KCMF1: variants seen among roughly 807,000 people sequenced by gnomAD.
The protein encoded by KCMF1 is potassium channel modulatory factor 1.
A neutral mutation model predicts 41.1 loss-of-function variants in KCMF1; 3 were observed. The ratio of observed to expected loss-of-function variants is 0.07; its 90% CI spans 0.03 to 0.19. The LOEUF (loss-of-function observed/expected upper bound fraction) is 0.19. Ranked by LOEUF, KCMF1 falls within the 10% of genes least tolerant of loss-of-function variation. The pLI, the probability that KCMF1 is intolerant of heterozygous loss-of-function variation, is 1.00. For synonymous variants in KCMF1, 142 were observed against 164.5 expected (o/e 0.86, Z 1.04); for missense variants, 286 against 488.9 (o/e 0.58, Z 3.91).
At chr2:85,015,610 GA>G in intron 1 of KCMF1, among the ~76,000 whole-genome samples, 1 of 152,160 alleles carries the variant, frequency 6.6e-6, no homozygotes, top group Non-Finnish European at 1.5e-5. Flanking sequence ...CCTCTATACT[GA>G]AAACTTTTAG....
intron 1 of KCMF1, among the ~76,000 whole-genome samples, chr2:85,008,727 T>G (rs1674577646): frequency 6.6e-6 from 1 of 151,288 alleles, no homozygotes; most frequent in Admixed American, 6.6e-5. Context: ...AGTCGCTCAC[T>G]GGAAAGACTG....
chr2:85,031,959 CA>C (rs1675284688), intron 2 of KCMF1, among the ~76,000 whole-genome samples: 1 of 152,166 alleles, frequency 6.6e-6, no homozygotes, highest in Non-Finnish European at 1.5e-5. Context: ...AGGCTTGTCT[CA>C]AACTCCTGAG....
intron 1 of KCMF1, among the ~76,000 whole-genome samples, chr2:85,026,416 T>A (rs1301094598): frequency 6.7e-6 from 1 of 148,996 alleles, no homozygotes. Flanking sequence ...GAATTACAGG[T>A]GTGAGCTATG....
intron 1 of KCMF1, among the ~76,000 whole-genome samples, chr2:85,025,271 G>A (rs1436632888): frequency 6.6e-6 from 1 of 152,064 alleles, no homozygotes; most frequent in African/African-American, 2.4e-5. Flanking sequence ...TTACTAATTT[G>A]CTTCATAAAG....
intron 1 of KCMF1, among the ~76,000 whole-genome samples, chr2:85,021,079 C>A (rs1424204072): frequency 6.6e-6 from 1 of 152,162 alleles, no homozygotes; most frequent in African/African-American, 2.4e-5. Context: ...ATGTTAGTTT[C>A]TTGGGGGCAG....
At chr2:85,032,148 C>G (rs1389999082) in intron 2 of KCMF1, among the ~76,000 whole-genome samples, 1 of 151,496 alleles carries the variant, frequency 6.6e-6, no homozygotes, top group African/African-American at 2.4e-5. Flanking sequence ...TTATTCATTC[C>G]AAGAGTGGTT....
chr2:85,041,783 TAAAA>T (rs974925092), intron 3 of KCMF1, among the ~76,000 whole-genome samples: 21 of 141,772 alleles, frequency 1.5e-4, no homozygotes, highest in Admixed American at 5.6e-4. Context: ...TTTTTTTTTT[TAAAA>T]AAAGCAAGTC....
At chr2:84,985,520 C>T (rs919544888) in intron 1 of KCMF1, among the ~76,000 whole-genome samples, 3 of 152,108 alleles carry the variant, frequency 2.0e-5, no homozygotes, top group African/African-American at 4.8e-5. Context: ...GGTGAATCTT[C>T]CTAGTTTGAA....
intron 1 of KCMF1, among the ~76,000 whole-genome samples, chr2:84,973,239 G>A (rs1278094757): frequency 6.6e-6 from 1 of 152,190 alleles, no homozygotes; most frequent in Admixed American, 6.5e-5. Context: ...TTCCAGACGA[G>A]CATTCTAATT....
chr2:85,024,579 AGAGAGT>A (rs775264166), intron 1 of KCMF1, among the ~76,000 whole-genome samples: 3,487 of 141,088 alleles, frequency 0.025, 37 homozygotes, highest in South Asian at 0.053. Flanking sequence ...AGAGAGAGAG[AGAGAGT>A]GTGTGTGTGT....
Position 85,056,685 on chromosome 2 carries a change from T to C in KCMF1, c.*3276T>C, listed in dbSNP as rs1288628410. The C allele has an allele frequency of 6.6e-6, 1 of 152,150 alleles. No individual in the cohort carries two copies. Among genetic ancestry groups the C allele is most frequent in the Non-Finnish European group, 1.5e-5 (1 of 68,032 alleles). 9.4% of individuals were successfully genotyped at this position (152,150 alleles called of 1,614,324 possible). A position where few individuals can be genotyped will look rare whatever the true frequency, so the allele number is the denominator to read the frequency against. ...CAGTGTTCAGTACCAATATTAAGTC[T>C]ACTGTAAGTGGGGTCTGATATGGCT... On this transcript the variant is annotated 3_prime_UTR_variant, in exon 7 of 7. Coordinates refer to ENST00000409785, the MANE Select transcript of KCMF1 (RefSeq NM_020122.5).
At chr2:85,029,174 G>A (rs1675197579) in intron 2 of KCMF1, among the ~76,000 whole-genome samples, 1 of 147,778 alleles carries the variant, frequency 6.8e-6, no homozygotes, top group Non-Finnish European at 1.5e-5. Flanking sequence ...GTTTCACTAT[G>A]TTGGCCAGGC....
At chr2:85,004,548 A>G (rs561687271) in intron 1 of KCMF1, among the ~76,000 whole-genome samples, 37 of 151,844 alleles carry the variant, frequency 2.4e-4, no homozygotes, top group Admixed American at 8.5e-4. Context: ...AGAAAGCAAA[A>G]CTTTGGGTTG....
At chr2:84,971,585 C>A in intron 1 of KCMF1, 118 bp downstream of exon 1, 1 of 433,688 alleles carries the variant, frequency 2.3e-6, no homozygotes, top group Non-Finnish European at 3.3e-6. Flanking sequence ...CCGAGCCGGG[C>A]CCGAGGCGCT....
chr2:85,037,106 C>A (rs2104044253), intron 3 of KCMF1, among the ~76,000 whole-genome samples: 1 of 151,070 alleles, frequency 6.6e-6, no homozygotes, highest in Admixed American at 6.7e-5. Context: ...CTATCATGGT[C>A]TGTTTCTTGT....
intron 1 of KCMF1, among the ~76,000 whole-genome samples, chr2:85,025,323 T>A (rs918466306): frequency 5.3e-5 from 8 of 152,338 alleles, no homozygotes; most frequent in South Asian, 2.1e-4. Context: ...GGCACTTTTT[T>A]AAAATGCTGT....
At chr2:85,009,668 T>G (rs1449556623) in intron 1 of KCMF1, among the ~76,000 whole-genome samples, 1 of 152,164 alleles carries the variant, frequency 6.6e-6, no homozygotes, top group Non-Finnish European at 1.5e-5. Context: ...TCCCCCCTCT[T>G]CTTTCTTTTT....
chr2:85,040,064 C>G (rs1343135293), intron 3 of KCMF1, among the ~76,000 whole-genome samples: 1 of 152,146 alleles, frequency 6.6e-6, no homozygotes, highest in Non-Finnish European at 1.5e-5. Flanking sequence ...AATCCATCTG[C>G]CTTGGCCTCC....
chr2:85,049,724 CT>C, intron 6 of KCMF1, 76 bp downstream of exon 6: 1 of 1,202,516 alleles, frequency 8.3e-7, no homozygotes, highest in Non-Finnish European at 1.2e-6. Flanking sequence ...TATCTTTTCT[CT>C]TTTGTGCATT....
Sources: allele counts gnomAD v4.1 joint callset (sites outside exome capture counted in the v4.1 genomes callset), GRCh38; gene constraint gnomAD v4.1.1; transcripts MANE v1.5; gene names NCBI Gene and HGNC (gene_info 2026-07-23, HGNC 2026-07-21).